The following EHMT1 variants were observed in gnomAD, a reference collection of about 807,000 sequenced individuals.
EHMT1 encodes euchromatic histone lysine methyltransferase 1.
In EHMT1, 15 loss-of-function variants were observed where a neutral mutation model predicts 147.2. That is an observed-to-expected ratio of 0.10 (90% CI 0.07 to 0.16). The LOEUF (loss-of-function observed/expected upper bound fraction) is 0.16, where lower values mean the gene tolerates loss of function less well. EHMT1 is among the 10% of genes least tolerant of loss of function. The pLI, the probability that EHMT1 is intolerant of heterozygous loss-of-function variation, is 1.00. For synonymous variants in EHMT1, 795 were observed against 709.6 expected, an observed-to-expected ratio of 1.12 and a Z score of -1.91; for missense variants, 1,587 against 1,772.4, an observed-to-expected ratio of 0.90 and a Z score of 1.88.
chr9:137,637,145 T>C (rs1471730938), intron 1 of EHMT1, among the ~76,000 whole-genome samples: 7 of 151,724 alleles, frequency 4.6e-5, no homozygotes, highest in African/African-American at 1.5e-4. Context: ...GATCTGCCCG[T>C]CTCCACCTCC....
intron 7 of EHMT1, 148 bp downstream of exon 7, chr9:137,752,556 G>C (rs1346387095): frequency 1.1e-6 from 1 of 924,008 alleles, no homozygotes; most frequent in Non-Finnish European, 1.7e-6. Flanking sequence ...CCACAGATGG[G>C]TCCTGTCCCT....
chr9:137,683,993 T>C (rs561132906), intron 1 of EHMT1, among the ~76,000 whole-genome samples: 1 of 152,158 alleles, frequency 6.6e-6, no homozygotes, highest in Admixed American at 6.5e-5. Context: ...TTTGTATATA[T>C]TTCATTTTTT....
intron 1 of EHMT1, among the ~76,000 whole-genome samples, chr9:137,654,395 A>G (rs1402460629): frequency 1.5e-5 from 2 of 133,574 alleles, no homozygotes; most frequent in South Asian, 2.7e-4. Flanking sequence ...CCCCCACCAA[A>G]AAAAAAAGAG....
chr9:137,763,275 G>A (rs961444397), intron 10 of EHMT1: 37 of 288,012 alleles, frequency 1.3e-4, no homozygotes, highest in African/African-American at 5.3e-4. Context: ...GGTTCAGCAC[G>A]TCCCGTCTCT....
intron 1 of EHMT1, among the ~76,000 whole-genome samples, chr9:137,623,086 G>A (rs937731872): frequency 2.0e-5 from 3 of 151,436 alleles, no homozygotes; most frequent in Non-Finnish European, 1.5e-5. Context: ...GGTGGCGGCC[G>A]CCTGTAGTCC....
chr9:137,735,358 A>T (rs943746464), intron 4 of EHMT1, among the ~76,000 whole-genome samples: 1 of 152,208 alleles, frequency 6.6e-6, no homozygotes, highest in Non-Finnish European at 1.5e-5. Flanking sequence ...TGTTAAATGT[A>T]ATCCCCATGG....
At chr9:137,655,704 G>A (rs1938369303) in intron 1 of EHMT1, among the ~76,000 whole-genome samples, 1 of 152,148 alleles carries the variant, frequency 6.6e-6, no homozygotes, top group Admixed American at 6.5e-5. Context: ...GATCAGCAGT[G>A]GGATTAGACT....
chr9:137,658,915 G>C (rs1194414820), intron 1 of EHMT1, among the ~76,000 whole-genome samples: 1 of 152,104 alleles, frequency 6.6e-6, no homozygotes, highest in Non-Finnish European at 1.5e-5. Flanking sequence ...ATGAGCTACT[G>C]TGCCAGCCCA....
chr9:137,718,831 C>T (rs1413217617), intron 3 of EHMT1, among the ~76,000 whole-genome samples: 1 of 150,726 alleles, frequency 6.6e-6, no homozygotes, highest in Admixed American at 6.6e-5. Context: ...TCTCAGCTCA[C>T]TATAACCCCC....
chr9:137,761,321 A>G (rs1172682842), intron 9 of EHMT1, among the ~76,000 whole-genome samples: 1 of 152,214 alleles, frequency 6.6e-6, no homozygotes, highest in Non-Finnish European at 1.5e-5. Context: ...GTAGCCCAAG[A>G]TATCCTTTGT....
At chr9:137,745,118 T>C (rs1353149821) in intron 6 of EHMT1, among the ~76,000 whole-genome samples, 1 of 152,238 alleles carries the variant, frequency 6.6e-6, no homozygotes, top group Non-Finnish European at 1.5e-5. Context: ...ACAGTAGGAA[T>C]AGCAGTCCAG....
Position 137,778,004 on chromosome 9 carries a change from G to T in EHMT1, c.2141G>T (p.Gly714Val). Residue 714 changes from glycine (G) to valine (V), a missense_variant, in exon 13 of 27, where the codon GGA becomes GTA. Transcript: ENST00000460843. ...AGGCCAACTCCCGGCCTTTCCCAGG[G>T]ACCAGGGAAGGAAACCTTGGAGAGC... The part of the protein sequence containing the change: ...LGRPTPGLSQ[G>V]PGKETLESAL... 1 of 1,613,814 alleles carries T rather than the reference G, an allele frequency of 6.2e-7. No individual in the cohort carries two copies. The highest frequency in any genetic ancestry group is 8.5e-7 in the Non-Finnish European group (1 of 1,180,016).
chr9:137,679,859 G>A (rs1941768712), intron 1 of EHMT1, among the ~76,000 whole-genome samples: 3 of 152,196 alleles, frequency 2.0e-5, no homozygotes, highest in Admixed American at 2.0e-4. Flanking sequence ...AGAGTCAGGA[G>A]TTCCTTGTTT....
At chr9:137,814,679 G>A (rs926637367) in intron 22 of EHMT1, 171 bp downstream of exon 22, 34 of 735,688 alleles carry the variant, frequency 4.6e-5, no homozygotes, top group Non-Finnish European at 5.9e-5. Context: ...CAGCACCCGA[G>A]TCAGGGTCGT....
intron 1 of EHMT1, among the ~76,000 whole-genome samples, chr9:137,690,727 A>C (rs1391102646): frequency 1.3e-5 from 2 of 152,020 alleles, no homozygotes; most frequent in Admixed American, 6.6e-5. Flanking sequence ...GTGCCACCAC[A>C]CCCAGCCCTC....
rs1486465432 is a variant in EHMT1 at position 137,716,076 on chromosome 9, G to T, written c.86-550G>T. 3.7e-4 allele frequency among the ~76,000 whole-genome samples: 43 copies of T among 116,410 alleles called. 1 individual carries two copies. The highest frequency in any genetic ancestry group is 1.3e-3 in the African/African-American group (36 of 27,690). 76.4% of individuals were successfully genotyped at this position (116,410 alleles called of 152,430 possible). ...TGTCATGGTGGGGGGAGGAAATTGTGGTGTCGTGGTGGGGGAGGAAGTTGT... is the reference window on the plus strand; with the variant it reads ...TGTCATGGTGGGGGGAGGAAATTGTTGTGTCGTGGTGGGGGAGGAAGTTGT... On this transcript the variant is annotated intron_variant, in intron 2 of 26. Coordinates refer to ENST00000460843, the MANE Select transcript of EHMT1 (RefSeq NM_024757.5).
intron 1 of EHMT1, among the ~76,000 whole-genome samples, chr9:137,632,078 G>A (rs1778960150): frequency 1.3e-5 from 2 of 152,220 alleles, no homozygotes; most frequent in South Asian, 2.1e-4. Context: ...CAGCCTAGAT[G>A]TGTAATAGGT....
At chr9:137,793,495 C>G (rs1477270311) in intron 16 of EHMT1, among the ~76,000 whole-genome samples, 6 of 152,230 alleles carry the variant, frequency 3.9e-5, no homozygotes, top group Non-Finnish European at 1.5e-5. Flanking sequence ...TTCCTCAGAT[C>G]GCTAAGCATA....
rs562733226 is a variant in EHMT1 at position 137,829,935 on chromosome 9, C to A, written c.3541-4414C>A. On this transcript the variant is annotated intron_variant, in intron 25 of 26. Coordinates refer to ENST00000460843, the MANE Select transcript of EHMT1 (RefSeq NM_024757.5). ...CATTCTTCTGTTTAAATAAATAAAC[C>A]TTAAACCTGGGCTTTGTGGTTACTC... is the stretch of plus-strand genomic sequence containing the variant. Among the ~76,000 whole-genome samples the A allele has an allele frequency of 9.2e-5, 14 of 152,326 alleles. No individual in the cohort carries two copies. In the East Asian group the frequency reaches 2.5e-3, roughly 27 times the overall value.
Sources: allele counts gnomAD v4.1 joint callset (sites outside exome capture counted in the v4.1 genomes callset), GRCh38; gene constraint gnomAD v4.1.1; transcripts MANE v1.5; gene names NCBI Gene and HGNC (gene_info 2026-07-23, HGNC 2026-07-21).